Variants in NRXN3 observed in about 807,000 individuals in gnomAD.
NRXN3 encodes neurexin 3.
In NRXN3, 32 loss-of-function variants were observed where a neutral mutation model predicts 137.6. The observed-to-expected ratio is 0.23, with a 90% CI of 0.18 to 0.31. NRXN3 has a LOEUF of 0.31. Among genes scored for constraint, NRXN3 ranks in the 10% least tolerant of loss-of-function variants. The pLI is 1.00. For synonymous variants in NRXN3, 798 were observed against 784.5 expected, an observed-to-expected ratio of 1.02 and a Z score of -0.29; for missense variants, 1,574 against 2,062.5, an observed-to-expected ratio of 0.76 and a Z score of 4.59.
intron 15 of NRXN3, among the ~76,000 whole-genome samples, chr14:79,261,636 TG>T (rs2077596787): frequency 1.1e-5 from 1 of 94,070 alleles, no homozygotes; most frequent in Non-Finnish European, 2.0e-5. Flanking sequence ...TGTGTGTGTG[TG>T]TGTGTGATGG....
At chr14:78,928,934 A>G (rs1398112858) in intron 10 of NRXN3, among the ~76,000 whole-genome samples, 2 of 152,128 alleles carry the variant, frequency 1.3e-5, no homozygotes, top group East Asian at 1.9e-4. Context: ...AAGCATTCCT[A>G]TCTCTCCACA....
chr14:79,495,397 C>G (rs147337986), intron 16 of NRXN3, among the ~76,000 whole-genome samples: 228 of 152,308 alleles, frequency 1.5e-3, no homozygotes, highest in African/African-American at 5.3e-3. Context: ...GATGCAGCAG[C>G]TGCAGTTGGG....
At chr14:78,888,604 C>T (rs561570087) in intron 10 of NRXN3, among the ~76,000 whole-genome samples, 8 of 152,094 alleles carry the variant, frequency 5.3e-5, no homozygotes, top group Admixed American at 5.2e-4. Flanking sequence ...TTCCCTGGTT[C>T]GTTCCTCACC....
At chr14:78,261,471 A>T (rs1432319890) in intron 2 of NRXN3, among the ~76,000 whole-genome samples, 1 of 152,038 alleles carries the variant, frequency 6.6e-6, no homozygotes, top group African/African-American at 2.4e-5. Flanking sequence ...CCATCTTTTA[A>T]AATCTATGAC....
chr14:79,667,782 G>A (rs946046247), intron 17 of NRXN3, among the ~76,000 whole-genome samples: 2 of 152,012 alleles, frequency 1.3e-5, no homozygotes, highest in Non-Finnish European at 2.9e-5. Context: ...ATACAATGCG[G>A]TGGTAGGAAC....
chr14:79,362,916 G>A (rs2093736687), intron 15 of NRXN3, among the ~76,000 whole-genome samples: 1 of 152,138 alleles, frequency 6.6e-6, no homozygotes, highest in Admixed American at 6.5e-5. Context: ...CTTGGATTTG[G>A]GCAATAGATA....
intron 1 of NRXN3, among the ~76,000 whole-genome samples, chr14:78,241,376 T>A (rs1208325447): frequency 2.0e-5 from 3 of 152,148 alleles, no homozygotes; most frequent in Non-Finnish European, 4.4e-5. Flanking sequence ...ATGCCTGTAA[T>A]CCCAGCACTT....
intron 16 of NRXN3, among the ~76,000 whole-genome samples, chr14:79,486,947 CTCTCTCTCTCTCT>C (rs1450003446): frequency 3.3e-5 from 5 of 150,848 alleles, no homozygotes; most frequent in South Asian, 4.2e-4. Flanking sequence ...CTCTCTCTCT[CTCTCTCTCTCTCT>C]CCCACACACA....
chr14:78,626,556 C>G (rs2152517665), intron 4 of NRXN3, among the ~76,000 whole-genome samples: 1 of 152,242 alleles, frequency 6.6e-6, no homozygotes, highest in Non-Finnish European at 1.5e-5. Context: ...ATGTTCTGAC[C>G]TCTATGTGAA....
At chr14:78,387,413 C>T (rs2090130897) in intron 4 of NRXN3, among the ~76,000 whole-genome samples, 1 of 152,084 alleles carries the variant, frequency 6.6e-6, no homozygotes, top group African/African-American at 2.4e-5. Flanking sequence ...TTGGGGTGAC[C>T]TTAAATAAGT....
Position 79,027,095 on chromosome 14 carries a change from TA to T in NRXN3, c.3262+38958del, listed in dbSNP as rs200141491. Among the ~76,000 whole-genome samples the T allele has an allele frequency of 6.4e-4, 95 of 147,992 alleles. 1 individual carries two copies. Among genetic ancestry groups the T allele is most frequent in the East Asian group, 3.5e-3 (18 of 5,104 alleles). On this transcript the variant is annotated intron_variant, in intron 15 of 20. Transcript: ENST00000335750. The stretch of plus-strand genomic sequence containing the variant: ...ATTCTATTGAAGTTTTTTTTTTTTT[TA>T]AAACTTGTTGGCACAGAAGCCTATA...
At chr14:79,135,789 A>T (rs2058160388) in intron 15 of NRXN3, among the ~76,000 whole-genome samples, 1 of 152,202 alleles carries the variant, frequency 6.6e-6, no homozygotes, top group South Asian at 2.1e-4. Context: ...ATTTCTTTTC[A>T]TTCCTATGAG....
intron 16 of NRXN3, among the ~76,000 whole-genome samples, chr14:79,504,210 A>C (rs2153678701): frequency 6.6e-6 from 1 of 152,256 alleles, no homozygotes; most frequent in Non-Finnish European, 1.5e-5. Flanking sequence ...CTTAAGACAA[A>C]TGGTTGCATT....
At chr14:79,779,335 A>T (rs2099106823) in intron 19 of NRXN3, among the ~76,000 whole-genome samples, 1 of 151,834 alleles carries the variant, frequency 6.6e-6, no homozygotes, top group Non-Finnish European at 1.5e-5. Context: ...CTGGTCTCGA[A>T]CTCCCGACCT....
chr14:78,449,241 C>G lies in NRXN3; in HGVS notation c.757+151381C>G, dbSNP rs78253143. Among the ~76,000 whole-genome samples the G allele has an allele frequency of 4.3e-4, 65 of 152,278 alleles. 2 individuals carry two copies. In the East Asian group the frequency reaches 0.012, roughly 28 times the overall value. Reference sequence around the variant, plus strand: ...TATTTATTTATTTTTGAGATGGTGTCTCACTCTGTCACCTAGGTAGGAATA... The same window carrying G: ...TATTTATTTATTTTTGAGATGGTGTGTCACTCTGTCACCTAGGTAGGAATA... On this transcript the variant is annotated intron_variant, in intron 4 of 20. Transcript: ENST00000335750.
At chr14:79,348,810 C>A (rs1427448682) in intron 15 of NRXN3, among the ~76,000 whole-genome samples, 1 of 152,168 alleles carries the variant, frequency 6.6e-6, no homozygotes, top group Non-Finnish European at 1.5e-5. Flanking sequence ...GCTTAAACTT[C>A]TGCATGATCA....
intron 15 of NRXN3, among the ~76,000 whole-genome samples, chr14:79,241,505 T>A (rs2074286788): frequency 6.6e-6 from 1 of 152,112 alleles, no homozygotes; most frequent in South Asian, 2.1e-4. Flanking sequence ...TATATAACCA[T>A]CAGATCTCAT....
At chr14:79,219,119 T>C (rs1447667742) in intron 15 of NRXN3, among the ~76,000 whole-genome samples, 1 of 152,120 alleles carries the variant, frequency 6.6e-6, no homozygotes, top group Non-Finnish European at 1.5e-5. Flanking sequence ...TAGATTTACA[T>C]GGTGGGCACT....
intron 10 of NRXN3, among the ~76,000 whole-genome samples, chr14:78,821,496 C>G (rs529247530): frequency 2.2e-4 from 34 of 151,988 alleles, no homozygotes; most frequent in Non-Finnish European, 4.6e-4. Context: ...GGGGTAAGAG[C>G]AACAGAAACG....
Sources: gnomAD v4.1 joint callset for allele counts (sites outside exome capture counted in the v4.1 genomes callset) on GRCh38, gnomAD v4.1.1 for gene constraint, MANE v1.5 for transcripts, NCBI Gene and HGNC (gene_info 2026-07-23, HGNC 2026-07-21) for gene names.